The following PKHD1 variants were observed in gnomAD, a reference collection of about 807,000 sequenced individuals.
PKHD1 encodes the protein PKHD1 ciliary IPT domain containing fibrocystin/polyductin.
A neutral mutation model predicts 412.0 loss-of-function variants in PKHD1; 291 were observed. The ratio of observed to expected loss-of-function variants is 0.71; its 90% confidence interval spans 0.64 to 0.78. The LOEUF is 0.78. PKHD1 is among the 30% of genes least tolerant of loss of function. The pLI is 0.00. For synonymous variants in PKHD1, 1,777 were observed against 1,821.5 expected (o/e 0.98, Z 0.62); for missense variants, 4,825 against 4,950.7 (o/e 0.97, Z 0.76).
chr6:51,882,772 C>T (rs113726822), intron 46 of PKHD1, among the ~76,000 whole-genome samples: 46 of 152,198 alleles, frequency 3.0e-4, no homozygotes, highest in South Asian at 2.1e-4. Flanking sequence ...TACAAAATAA[C>T]GAACTAGGCA....
rs562173431 is a variant in PKHD1 at position 51,800,133 on chromosome 6, G to T, written c.8303-8760C>A. Among the ~76,000 whole-genome samples, 353 of 152,266 alleles carry T rather than the reference G, an allele frequency of 2.3e-3. 1 individual carries two copies. Among genetic ancestry groups the T allele is most frequent in the African/African-American group, 8.1e-3 (337 of 41,554 alleles). On this transcript the variant is annotated intron_variant, in intron 52 of 66. Transcript: ENST00000371117. ...AAAGACTGCTTTTCCCCCCAAAGGGGCTCAGGACTAGCCATGGGGTGGTGC... is the reference window on the plus strand; with the variant it reads ...AAAGACTGCTTTTCCCCCCAAAGGGTCTCAGGACTAGCCATGGGGTGGTGC...
chr6:51,756,535 T>C (rs1582490437), intron 55 of PKHD1, among the ~76,000 whole-genome samples: 1 of 152,194 alleles, frequency 6.6e-6, no homozygotes, highest in Non-Finnish European at 1.5e-5. Flanking sequence ...GAATACTGTA[T>C]AGCCATTTTT....
At chr6:51,963,093 G>A (rs1792315275) in intron 35 of PKHD1, among the ~76,000 whole-genome samples, 1 of 151,974 alleles carries the variant, frequency 6.6e-6, no homozygotes, top group Non-Finnish European at 1.5e-5. Flanking sequence ...TCTTCCTAAT[G>A]CAATAGGTGA....
intron 36 of PKHD1, among the ~76,000 whole-genome samples, chr6:51,944,230 T>C (rs548716076): frequency 1.3e-3 from 197 of 152,162 alleles, no homozygotes; most frequent in African/African-American, 4.6e-3. Flanking sequence ...ACTGAGCACT[T>C]TGTGACCCCC....
At position 52,042,953 on chromosome 6, in the gene PKHD1, G is replaced by C; in HGVS notation, c.3003C>G (p.Pro1001=). ...CAGTGGCACTGATGGCAAGACCAGAGGGTCTCACCAACATCAAGATCCGAT... is the reference window on the plus strand; with the variant it reads ...CAGTGGCACTGATGGCAAGACCAGACGGTCTCACCAACATCAAGATCCGAT... ...GMHRILMLVR[P]SGLAISATGE... The change falls in exon 27 of 67, where the codon CCC becomes CCG. Residue 1001 remains proline, a synonymous_variant. Coordinates refer to ENST00000371117, the MANE Select transcript of PKHD1 (RefSeq NM_138694.4). 6.2e-7 allele frequency: 1 copy of C among 1,613,544 alleles called. No homozygotes were observed. Among genetic ancestry groups the C allele is most frequent in the Non-Finnish European group, 8.5e-7 (1 of 1,179,480 alleles).
At chr6:51,685,909 C>G (rs931755720) in intron 60 of PKHD1, among the ~76,000 whole-genome samples, 3 of 152,126 alleles carry the variant, frequency 2.0e-5, no homozygotes, top group Non-Finnish European at 4.4e-5. Flanking sequence ...ACAGCTATAC[C>G]TCCTATGCAG....
intron 61 of PKHD1, among the ~76,000 whole-genome samples, chr6:51,655,834 A>G (rs908291981): frequency 6.6e-6 from 1 of 152,136 alleles, no homozygotes; most frequent in Non-Finnish European, 1.5e-5. Flanking sequence ...AAAGTCAGGA[A>G]ATAACAGATG....
intron 60 of PKHD1, among the ~76,000 whole-genome samples, chr6:51,743,752 C>T (rs1029247717): frequency 7.9e-5 from 12 of 152,090 alleles, no homozygotes; most frequent in African/African-American, 2.4e-4. Flanking sequence ...TACATTTGAC[C>T]GGAGCAGGTT....
chr6:51,746,504 C>T (rs1333493801), intron 59 of PKHD1, among the ~76,000 whole-genome samples: 2 of 152,024 alleles, frequency 1.3e-5, no homozygotes. Flanking sequence ...GGAAATAGCC[C>T]CTGCCTCTTT....
At chr6:51,773,016 T>C (rs558590005) in intron 54 of PKHD1, among the ~76,000 whole-genome samples, 35 of 152,124 alleles carry the variant, frequency 2.3e-4, no homozygotes, top group Admixed American at 6.6e-4. Context: ...GAAAAAAGAA[T>C]GCTACACCAC....
At position 51,992,590 on chromosome 6, in the gene PKHD1, T is replaced by C. The variant is rs114568273; in HGVS notation, c.5751+17719A>G. ...TGGAGAAGCCACCAGTACAGGGAAATTTTAGAACAATTTTACCAAGAGAAA... is the reference window on the plus strand; with the variant it reads ...TGGAGAAGCCACCAGTACAGGGAAACTTTAGAACAATTTTACCAAGAGAAA... On this transcript the variant is annotated intron_variant, in intron 35 of 66. Coordinates refer to ENST00000371117, the MANE Select transcript of PKHD1 (RefSeq NM_138694.4). Among the ~76,000 whole-genome samples, 947 of 152,248 alleles carry C rather than the reference T, an allele frequency of 6.2e-3. 15 individuals are homozygous for C. The highest frequency in any genetic ancestry group is 0.021 in the African/African-American group (878 of 41,556).
chr6:52,042,555 T>C (rs1581907764), intron 27 of PKHD1, among the ~76,000 whole-genome samples: 1 of 152,312 alleles, frequency 6.6e-6, no homozygotes, highest in East Asian at 1.9e-4. Context: ...CAATCAGTTT[T>C]CCATGCTAGC....
At chr6:51,731,263 A>G (rs1276931043) in intron 60 of PKHD1, among the ~76,000 whole-genome samples, 1 of 152,244 alleles carries the variant, frequency 6.6e-6, no homozygotes. Context: ...AAAGAAATAG[A>G]AAATACAGAG....
chr6:52,053,360 G>A, intron 20 of PKHD1, 109 bp from the exon 21 acceptor site: 1 of 1,129,132 alleles, frequency 8.9e-7, no homozygotes, highest in Non-Finnish European at 1.3e-6. Context: ...GCAGCCAGGA[G>A]AGAGACCCCA....
chr6:52,052,077 C>T (rs1422936337), intron 21 of PKHD1, among the ~76,000 whole-genome samples: 1 of 152,170 alleles, frequency 6.6e-6, no homozygotes, highest in Non-Finnish European at 1.5e-5. Flanking sequence ...GCCTTCAGTA[C>T]TGCAATGTTT....
At chr6:51,685,769 T>A (rs1032880451) in intron 60 of PKHD1, among the ~76,000 whole-genome samples, 19 of 152,132 alleles carry the variant, frequency 1.2e-4, no homozygotes, top group Non-Finnish European at 2.2e-4. Flanking sequence ...GTTGCCAAAG[T>A]ATTGTTTTAA....
intron 60 of PKHD1, among the ~76,000 whole-genome samples, chr6:51,731,779 T>C (rs1783267179): frequency 6.6e-6 from 1 of 152,212 alleles, no homozygotes; most frequent in South Asian, 2.1e-4. Context: ...TGCAGCTACA[T>C]GTAGCTATTT....
At chr6:51,676,564 A>G (rs367799004) in intron 60 of PKHD1, among the ~76,000 whole-genome samples, 16 of 151,988 alleles carry the variant, frequency 1.1e-4, no homozygotes, top group African/African-American at 3.6e-4. Flanking sequence ...AAGAAATGAA[A>G]TCATTTACAA....
chr6:51,909,226 G>T, intron 40 of PKHD1, 57 bp downstream of exon 40: 2 of 1,246,254 alleles, frequency 1.6e-6, no homozygotes, highest in Non-Finnish European at 2.4e-6. Flanking sequence ...CATGCATGTA[G>T]TGCCTTAAAC....
Sources: allele counts gnomAD v4.1 joint callset (sites outside exome capture counted in the v4.1 genomes callset), GRCh38; gene constraint gnomAD v4.1.1; transcripts MANE v1.5; gene names NCBI Gene and HGNC (gene_info 2026-07-23, HGNC 2026-07-21).